Variants in TMEM229B observed in about 807,000 individuals in gnomAD.
TMEM229B encodes chromosome 14 open reading frame 83.
Under a neutral mutation model 13.7 loss-of-function variants are expected in TMEM229B, and 6 were observed. The observed-to-expected ratio is 0.44, with a 90% CI of 0.24 to 0.86. The LOEUF (loss-of-function observed/expected upper bound fraction) is 0.86. Among genes scored for constraint, TMEM229B ranks in the 40% least tolerant of loss-of-function variants. TMEM229B has a pLI of 0.23. For missense variants in TMEM229B, 170 were observed against 236.0 expected, an observed-to-expected ratio of 0.72 and a Z score of 1.83; for synonymous variants, 107 against 102.1, an observed-to-expected ratio of 1.05 and a Z score of -0.29.
chr14:67,485,163 C>T (rs532567221), intron 2 of TMEM229B, among the ~76,000 whole-genome samples: 7 of 152,304 alleles, frequency 4.6e-5, no homozygotes, highest in South Asian at 2.1e-4. Flanking sequence ...CTGAACCAAA[C>T]GGTACAACAG....
intron 1 of TMEM229B, among the ~76,000 whole-genome samples, chr14:67,526,325 C>T (rs4899207): frequency 1.3e-5 from 2 of 152,030 alleles, no homozygotes; most frequent in East Asian, 1.9e-4. Flanking sequence ...CTTTGTGCAG[C>T]GGCATCTCTT....
At chr14:67,499,912 TG>T in intron 1 of TMEM229B, among the ~76,000 whole-genome samples, 1 of 152,068 alleles carries the variant, frequency 6.6e-6, no homozygotes. Flanking sequence ...TGAAGACACC[TG>T]GGGGCTGCGG....
upstream of TMEM229B, among the ~76,000 whole-genome samples, chr14:67,493,550 G>T (rs1310165259): frequency 6.6e-6 from 1 of 152,158 alleles, no homozygotes. Flanking sequence ...AACTTTTTCT[G>T]CCTGAGTGCT....
At chr14:67,519,123 TG>T, upstream of TMEM229B, among the ~76,000 whole-genome samples, 1 of 151,902 alleles carries the variant, frequency 6.6e-6, no homozygotes, top group Admixed American at 6.6e-5. Flanking sequence ...CATTTGAAAA[TG>T]GGGGAGTCTC....
At chr14:67,496,353 A>T (rs1180804620) in intron 1 of TMEM229B, among the ~76,000 whole-genome samples, 1 of 139,544 alleles carries the variant, frequency 7.2e-6, no homozygotes, top group Non-Finnish European at 1.5e-5. Context: ...TTGGCCTCCC[A>T]AAGTGCTGGG....
At chr14:67,482,622 C>T (rs1476154444) in intron 2 of TMEM229B, among the ~76,000 whole-genome samples, 1 of 152,220 alleles carries the variant, frequency 6.6e-6, no homozygotes, top group East Asian at 1.9e-4. Context: ...TTCAGGAGCC[C>T]TTGGGCGGCT....
intron 1 of TMEM229B, among the ~76,000 whole-genome samples, chr14:67,498,595 C>T (rs1013809430): frequency 2.6e-5 from 4 of 152,174 alleles, no homozygotes; most frequent in African/African-American, 9.7e-5. Flanking sequence ...CCAAGAAAGA[C>T]GAAGGAATGA....
intron 2 of TMEM229B, among the ~76,000 whole-genome samples, chr14:67,478,550 T>C (rs990606246): frequency 1.3e-5 from 2 of 152,050 alleles, no homozygotes; most frequent in African/African-American, 2.4e-5. Context: ...GCAAATCCGA[T>C]GTTTCTCACC....
chr14:67,493,391 C>T (rs960756812), upstream of TMEM229B, among the ~76,000 whole-genome samples: 1 of 152,248 alleles, frequency 6.6e-6, no homozygotes, highest in Admixed American at 6.5e-5. Flanking sequence ...TTAGATTGTG[C>T]GGTCCAACCC....
At chr14:67,496,663 CTT>C (rs925944515) in intron 1 of TMEM229B, among the ~76,000 whole-genome samples, 5 of 150,448 alleles carry the variant, frequency 3.3e-5, no homozygotes, top group African/African-American at 9.8e-5. Context: ...CTCTCTCTCT[CTT>C]TCTTTCCTTC....
chr14:67,510,372 A>G (rs1038022267), intron 1 of TMEM229B, among the ~76,000 whole-genome samples: 4 of 152,206 alleles, frequency 2.6e-5, no homozygotes, highest in African/African-American at 9.6e-5. Flanking sequence ...TTTGCCAACC[A>G]TCAGCTCACA....
intron 1 of TMEM229B, among the ~76,000 whole-genome samples, chr14:67,505,443 A>G (rs1594709741): frequency 6.6e-6 from 1 of 152,344 alleles, no homozygotes; most frequent in Middle Eastern, 3.4e-3. Context: ...CACGTTGGCC[A>G]TCTGCTGTTG....
At chr14:67,492,829 G>A (rs996795240), upstream of TMEM229B, among the ~76,000 whole-genome samples, 16 of 152,218 alleles carry the variant, frequency 1.1e-4, no homozygotes, top group African/African-American at 3.9e-4. Context: ...GTGAAGGCCA[G>A]GTACTGTACC....
intron 2 of TMEM229B, among the ~76,000 whole-genome samples, chr14:67,478,496 A>G (rs1470891663): frequency 6.6e-6 from 1 of 152,196 alleles, no homozygotes; most frequent in Non-Finnish European, 1.5e-5. Context: ...TTCACTCATC[A>G]CAGGATGAAA....
At chr14:67,507,403 G>A (rs2032866058) in intron 1 of TMEM229B, among the ~76,000 whole-genome samples, 1 of 152,026 alleles carries the variant, frequency 6.6e-6, no homozygotes, top group Non-Finnish European at 1.5e-5. Context: ...TCAAGTTCTG[G>A]AGACCCAAGT....
rs1238179360 is a variant in TMEM229B, at chr14:67,478,909, G to C, written c.-18-4968C>G. Among the ~76,000 whole-genome samples the C allele has an allele frequency of 2.0e-5, 3 of 152,102 alleles. No homozygotes were observed. The East Asian group carries it at 5.8e-4, about 29-fold the overall frequency. ...GAATGCTTGTTTAAGATAGTGGTAA[G>C]AGAAAAAAGCAGGATTCAAAACTGA... On this transcript the variant is annotated intron_variant, in intron 2 of 2. Coordinates refer to ENST00000554480, the MANE Select transcript of TMEM229B (RefSeq NM_001348543.2).
At chr14:67,485,848 A>C (rs1424583265) in intron 2 of TMEM229B, among the ~76,000 whole-genome samples, 1 of 152,180 alleles carries the variant, frequency 6.6e-6, no homozygotes, top group Non-Finnish European at 1.5e-5. Flanking sequence ...GCTGCTGCTG[A>C]TATGTGACAA....
upstream of TMEM229B, among the ~76,000 whole-genome samples, chr14:67,489,737 T>A (rs911371222): frequency 6.6e-6 from 1 of 152,224 alleles, no homozygotes; most frequent in Non-Finnish European, 1.5e-5. Context: ...ACGCCTGTAA[T>A]CCCAGCACAT....
rs1224901721 is a variant in TMEM229B, at chr14:67,471,360, C to A, written c.*2060G>T. On this transcript the variant is annotated 3_prime_UTR_variant, in exon 3 of 3. Coordinates refer to ENST00000554480, the MANE Select transcript of TMEM229B (RefSeq NM_001348543.2). Reference sequence around the variant, plus strand: ...GTGGGTAGTGTGGTCTAGGGGCCCACATGGAAGGCCTGAAGGGGTGCTGGG... The same window carrying A: ...GTGGGTAGTGTGGTCTAGGGGCCCAAATGGAAGGCCTGAAGGGGTGCTGGG... 2.0e-5 allele frequency: 3 copies of A among 152,152 alleles called. No homozygotes were observed. Among genetic ancestry groups the A allele is most frequent in the African/African-American group, 7.2e-5 (3 of 41,392 alleles). 9.4% of individuals were successfully genotyped at this position (152,152 alleles called of 1,614,324 possible). A position where few individuals can be genotyped will look rare whatever the true frequency, so the allele number is the denominator to read the frequency against.
Sources: gnomAD v4.1 joint callset for allele counts (sites outside exome capture counted in the v4.1 genomes callset) on GRCh38, gnomAD v4.1.1 for gene constraint, MANE v1.5 for transcripts, NCBI Gene and HGNC (gene_info 2026-07-23, HGNC 2026-07-21) for gene names.